The following BID variants were observed in gnomAD, a reference collection of about 807,000 sequenced individuals.
BID encodes BH3 interacting domain death agonist, also known as BH3-interacting domain death agonist.
Under a neutral mutation model 17.4 loss-of-function variants are expected in BID, and 19 were observed. That is an observed-to-expected ratio of 1.09 (90% CI 0.76 to 1.60). The LOEUF is 1.60. Ranked by LOEUF, BID falls within the 40% of genes most tolerant of loss-of-function variation. The probability of loss-of-function intolerance (pLI) is 0.00; values close to 1 mark genes in which losing one functional copy is unlikely to be tolerated. For synonymous variants in BID, 108 were observed against 102.8 expected (o/e 1.05, Z -0.31); for missense variants, 226 against 256.0 (o/e 0.88, Z 0.80).
chr22:17,735,418 T>C lies in BID; in HGVS notation c.*162A>G. Reference sequence around the variant, plus strand: ...ATTAATGTAGATATTTTAAAGTGGGTTATAAGTTTAACATTGTCTTTAAAA... The same window carrying C: ...ATTAATGTAGATATTTTAAAGTGGGCTATAAGTTTAACATTGTCTTTAAAA... On this transcript the variant is annotated 3_prime_UTR_variant, in exon 6 of 6. Transcript: ENST00000622694. 2 of 737,010 alleles carry C rather than the reference T, an allele frequency of 2.7e-6. No homozygotes were observed. The highest frequency in any genetic ancestry group is 4.5e-6 in the Non-Finnish European group (2 of 447,918). The allele number at this position is 737,010 out of a possible 1,614,324, so 45.7% of individuals were successfully genotyped here. A position where few individuals can be genotyped will look rare whatever the true frequency, so the allele number is the denominator to read the frequency against.
intron 1 of BID, among the ~76,000 whole-genome samples, chr22:17,763,754 C>T (rs983331109): frequency 7.1e-6 from 1 of 141,234 alleles, no homozygotes; most frequent in Non-Finnish European, 1.5e-5. Context: ...AGAACCAATA[C>T]AAGAGTATGA....
upstream of BID, chr22:17,774,653 G>A (rs1168426301): frequency 6.6e-6 from 1 of 151,882 alleles, no homozygotes; most frequent in Non-Finnish European, 1.5e-5. Flanking sequence ...TTACGCGACT[G>A]TTTCAGACAG....
rs2061434916 is a variant in BID, at chr22:17,738,359, GA to G, written c.364-131del. The G allele has an allele frequency of 1.2e-5, 10 of 866,902 alleles. No individual in the cohort carries two copies. The South Asian group carries it at 1.5e-4, about 13-fold the overall frequency. 53.7% of individuals were successfully genotyped at this position (866,902 alleles called of 1,614,324 possible). A position where few individuals can be genotyped will look rare whatever the true frequency, so the allele number is the denominator to read the frequency against. On this transcript the variant is annotated intron_variant, in intron 4 of 5. Coordinates refer to ENST00000622694, the MANE Select transcript of BID (RefSeq NM_001196.4). ...CAGGGCTGCTGGGCGGAAAGAATGA[GA>G]AACAGTTGAGTTCTGAGAGGCAATG...
At chr22:17,766,844 C>A (rs1180472040) in intron 1 of BID, among the ~76,000 whole-genome samples, 1 of 151,948 alleles carries the variant, frequency 6.6e-6, no homozygotes, top group East Asian at 2.0e-4. Flanking sequence ...CCTGCCTCAG[C>A]CTCCCAAAGT....
intron 5 of BID, 21 bp downstream of exon 5, chr22:17,737,996 G>A (rs2061431668): frequency 1.9e-6 from 3 of 1,612,310 alleles, no homozygotes; most frequent in Non-Finnish European, 2.5e-6. Context: ...CAGGGAAGGA[G>A]CTGACCTCAA....
chr22:17,755,945 G>A (rs2061579629), intron 1 of BID, among the ~76,000 whole-genome samples: 1 of 152,106 alleles, frequency 6.6e-6, no homozygotes, highest in South Asian at 2.1e-4. Flanking sequence ...TCGGCTCACT[G>A]CAACCTCTGC....
intron 1 of BID, among the ~76,000 whole-genome samples, chr22:17,758,064 A>G (rs2061607056): frequency 6.6e-6 from 1 of 152,138 alleles, no homozygotes; most frequent in Non-Finnish European, 1.5e-5. Flanking sequence ...CGGCTCCACA[A>G]GCTGGCCTGT....
chr22:17,750,000 G>T, intron 2 of BID, 105 bp downstream of exon 2: 1 of 1,151,746 alleles, frequency 8.7e-7, no homozygotes. Flanking sequence ...TAAGGGCCAG[G>T]CGGGCTCAGC....
chr22:17,762,868 A>G (rs201057404), intron 1 of BID, among the ~76,000 whole-genome samples: 4 of 120,372 alleles, frequency 3.3e-5, no homozygotes, highest in South Asian at 4.8e-4. Context: ...GAAAAAAAAC[A>G]AAACCTGTTT....
chr22:17,761,089 C>T (rs982406357), intron 1 of BID, among the ~76,000 whole-genome samples: 3 of 152,134 alleles, frequency 2.0e-5, no homozygotes, highest in Non-Finnish European at 2.9e-5. Context: ...TACAAGATAA[C>T]GCTTAAAACA....
intron 3 of BID, chr22:17,740,853 C>T (rs989341491): frequency 6.6e-6 from 1 of 152,300 alleles, no homozygotes; most frequent in Admixed American, 6.5e-5. Context: ...TGTGATCATA[C>T]CACTACACTC....
At chr22:17,761,462 C>T (rs962527130) in intron 1 of BID, among the ~76,000 whole-genome samples, 6 of 144,166 alleles carry the variant, frequency 4.2e-5, no homozygotes, top group East Asian at 2.0e-4. Context: ...GATGAAGTCT[C>T]GCTCTGTCGC....
chr22:17,768,274 C>T (rs568566230), intron 1 of BID, among the ~76,000 whole-genome samples: 5 of 152,308 alleles, frequency 3.3e-5, no homozygotes, highest in Admixed American at 2.0e-4. Context: ...CTCAATCAAA[C>T]GGTTTTTGAA....
intron 3 of BID, chr22:17,740,210 T>G: frequency 6.3e-7 from 1 of 1,590,544 alleles, no homozygotes; most frequent in Non-Finnish European, 8.6e-7. Context: ...GGGCTGTGAT[T>G]TTTTTAATCT....
At chr22:17,736,096 T>G (rs760177120) in intron 5 of BID, among the ~76,000 whole-genome samples, 3 of 152,224 alleles carry the variant, frequency 2.0e-5, no homozygotes, top group Non-Finnish European at 4.4e-5. Flanking sequence ...TTATGAGTTC[T>G]CAGTAGAGGA....
intron 1 of BID, among the ~76,000 whole-genome samples, chr22:17,772,950 G>A (rs983987672): frequency 7.2e-5 from 11 of 152,010 alleles, no homozygotes; most frequent in African/African-American, 2.7e-4. Flanking sequence ...AACCTCCTCA[G>A]AAGCACTAAC....
At chr22:17,752,336 T>A (rs904863059) in intron 1 of BID, among the ~76,000 whole-genome samples, 2 of 152,170 alleles carry the variant, frequency 1.3e-5, no homozygotes, top group Non-Finnish European at 1.5e-5. Context: ...GGGGCACGGC[T>A]CATCAGCTCA....
At chr22:17,753,864 T>G (rs1261274666) in intron 1 of BID, among the ~76,000 whole-genome samples, 1 of 152,140 alleles carries the variant, frequency 6.6e-6, no homozygotes, top group Non-Finnish European at 1.5e-5. Context: ...GTGAGCAGGG[T>G]GAGGTGCCGA....
intron 1 of BID, among the ~76,000 whole-genome samples, chr22:17,763,237 T>C (rs1445275930): frequency 7.3e-6 from 1 of 136,672 alleles, no homozygotes; most frequent in Admixed American, 7.5e-5. Flanking sequence ...CCATCATGTG[T>C]ATTAATTATA....
Sources: allele counts gnomAD v4.1 joint callset (sites outside exome capture counted in the v4.1 genomes callset), GRCh38; gene constraint gnomAD v4.1.1; transcripts MANE v1.5; gene names NCBI Gene and HGNC (gene_info 2026-07-23, HGNC 2026-07-21).